Variants in EPHA10 observed in about 807,000 individuals in gnomAD.
EPHA10 encodes ephrin type-A receptor 10.
EPHA10 carries 120 observed loss-of-function variants against 109.7 expected under a neutral mutation model. The ratio of observed to expected loss-of-function variants is 1.09; its 90% confidence interval spans 0.94 to 1.27. EPHA10 has a LOEUF of 1.27. EPHA10 is among the 50% of genes most tolerant of loss of function. The pLI, the probability that EPHA10 is intolerant of heterozygous loss-of-function variation, is 0.00. For missense variants in EPHA10, 1,396 were observed against 1,411.1 expected, an observed-to-expected ratio of 0.99 and a Z score of 0.17; for synonymous variants, 640 against 618.9, an observed-to-expected ratio of 1.03 and a Z score of -0.51.
intron 1 of EPHA10, 65 bp from the exon 2 acceptor site, chr1:37,762,914 C>T (rs2148372058): frequency 1.4e-6 from 2 of 1,448,578 alleles, no homozygotes; most frequent in Middle Eastern, 1.7e-4. Flanking sequence ...AGAGTGGAAT[C>T]CTTTGGTGAA....
In EPHA10 at chr1:37,723,060, C is replaced by A. The variant is rs1270339427; in HGVS notation, c.1941G>T (p.Leu647=). Residue 647 remains leucine, a synonymous_variant, in exon 10 of 17, where the codon CTG becomes CTT. Coordinates refer to ENST00000373048, the MANE Select transcript of EPHA10 (RefSeq NM_001099439.2). ...GCTTGCCTCCTCCAAGGCTCCTCTC[C>A]AGCGTGACGCTTTTCGCATCCAGTT... ...AKELDAKSVT[L]ERSLGGGRFG... 3.1e-6 allele frequency: 5 copies of A among 1,614,206 alleles called. No homozygotes were observed. The highest frequency in any genetic ancestry group is 4.2e-6 in the Non-Finnish European group (5 of 1,180,042).
In EPHA10 at chr1:37,718,292, G is replaced by A. The variant is rs1303252315; in HGVS notation, c.*80C>T. ...GAGCGCTCCCTCCCACACTGCTGGA[G>A]CGCAGCTTGCCACGGTCCTTGGGCA... is the stretch of plus-strand genomic sequence containing the variant. On this transcript the variant is annotated 3_prime_UTR_variant, in exon 17 of 17. Coordinates refer to ENST00000373048, the MANE Select transcript of EPHA10 (RefSeq NM_001099439.2). The A allele has an allele frequency of 4.0e-6, 5 of 1,243,702 alleles. No individual in the cohort carries two copies. In the East Asian group the frequency reaches 9.3e-5, roughly 23 times the overall value. 77.0% of individuals were successfully genotyped at this position (1,243,702 alleles called of 1,614,324 possible).
intron 7 of EPHA10, among the ~76,000 whole-genome samples, chr1:37,730,066 GC>G (rs1189871815): frequency 1.3e-5 from 2 of 151,884 alleles, no homozygotes; most frequent in Non-Finnish European, 2.9e-5. Context: ...CCCCCACTAC[GC>G]CCACTCCAGC....
intron 5 of EPHA10, among the ~76,000 whole-genome samples, chr1:37,735,987 A>C (rs1646063336): frequency 6.6e-6 from 1 of 152,240 alleles, no homozygotes; most frequent in Non-Finnish European, 1.5e-5. Context: ...TAATACCAGA[A>C]GTTCTAGCCA....
At chr1:37,734,560 A>T (rs766809832) in intron 6 of EPHA10, 15 of 437,546 alleles carry the variant, frequency 3.4e-5, no homozygotes, top group Non-Finnish European at 5.9e-5. Flanking sequence ...ATAAATAAAT[A>T]ATAAAGGTAA....
intron 5 of EPHA10, among the ~76,000 whole-genome samples, chr1:37,749,357 A>G (rs1569741929): frequency 6.6e-6 from 1 of 152,068 alleles, no homozygotes; most frequent in South Asian, 2.1e-4. Context: ...TTCTAAATCT[A>G]TCTGTGTCAA....
rs1004642708 is a variant in EPHA10, at chr1:37,764,391, G to C, written c.106+570C>G. Among the ~76,000 whole-genome samples the C allele has an allele frequency of 3.3e-5, 5 of 152,312 alleles. No individual in the cohort carries two copies. The East Asian group carries it at 9.7e-4, about 29-fold the overall frequency. ...ATGCACAATCAGAGGCAAGACGCGG[G>C]CTCCAGTATCGCCGACAGCCTCAAA... On this transcript the variant is annotated intron_variant, in intron 1 of 16. Transcript: ENST00000373048. This position sits in a 1 kb window ranked among gnomAD's most constrained non-coding sequence, Gnocchi z 5.8.
intron 10 of EPHA10, 45 bp from the exon 11 acceptor site, chr1:37,721,890 T>TGGCTGAGCTGGGCA: frequency 2.1e-6 from 3 of 1,462,980 alleles, no homozygotes; most frequent in Non-Finnish European, 2.7e-6. Context: ...GCCACTGCCC[T>TGGCTGAGCTGGGCA]GGCTGAGCTG....
rs772227915 is a variant in EPHA10 at position 37,761,577 on chromosome 1, G to T, written c.678C>A (p.Ala226=). Residue 226 remains alanine (A), a synonymous_variant, in exon 3 of 17, where the codon GCC becomes GCA. Transcript: ENST00000373048. ...CCACCAGTGTGGAGAAGGCGCTCTCGGCTGCGGTGGCTGGGAACGTGGCCA... is the reference window on the plus strand; with the variant it reads ...CCACCAGTGTGGAGAAGGCGCTCTCTGCTGCGGTGGCTGGGAACGTGGCCA... ...RGLATFPATA[A]ESAFSTLVEV... is the part of the protein sequence containing the mutation. 6.3e-7 allele frequency: 1 copy of T among 1,598,436 alleles called. No individual in the cohort carries two copies. Among genetic ancestry groups the T allele is most frequent in the South Asian group, 1.1e-5 (1 of 90,588 alleles).
At chr1:37,735,114 G>A (rs1433462182) in intron 6 of EPHA10, 143 bp downstream of exon 6, 2 of 1,057,052 alleles carry the variant, frequency 1.9e-6, no homozygotes, top group Non-Finnish European at 2.8e-6. Context: ...GGGGAGACTC[G>A]AGCCTGGGGC....
intron 6 of EPHA10, chr1:37,734,700 A>G (rs1215987609): frequency 4.4e-6 from 2 of 451,272 alleles, no homozygotes; most frequent in African/African-American, 2.0e-5. Flanking sequence ...ATGGGGATCA[A>G]TTGGCCATAT....
intron 4 of EPHA10, among the ~76,000 whole-genome samples, chr1:37,753,660 G>A (rs1464431259): frequency 4.3e-5 from 1 of 23,092 alleles, no homozygotes; most frequent in African/African-American, 1.2e-4. Flanking sequence ...GAGCAGGGGC[G>A]AGCGGGAGCA....
chr1:37,754,316 C>T lies in EPHA10; in HGVS notation c.905G>A (p.Cys302Tyr). The change falls in exon 4 of 17, where the codon TGC (cysteine) becomes TAC (tyrosine). Residue 302 changes from cysteine (C) to tyrosine (Y), a missense_variant. Physicochemically the swap from Cys to Tyr is radical, Grantham distance 194. Coordinates refer to ENST00000373048, the MANE Select transcript of EPHA10 (RefSeq NM_001099439.2). This position sits in a 1 kb window ranked among gnomAD's most constrained non-coding sequence, Gnocchi z 4.5. ...TTCCAGGGCCCGGCTGTGCTCTGGG[C>T]ACGGTGAGCAGAGGGGCCGCCGCGG... ...VSPRRPLCSPCPEHSRALENA... is the reference protein window; with the variant it reads ...VSPRRPLCSPYPEHSRALENA... 2 of 1,321,506 alleles carry T rather than the reference C, an allele frequency of 1.5e-6. No homozygotes were observed. The highest frequency in any genetic ancestry group is 3.1e-5 in the East Asian group (1 of 32,590). 81.9% of individuals were successfully genotyped at this position (1,321,506 alleles called of 1,614,324 possible).
rs759930128 is a variant in EPHA10 at position 37,723,309 on chromosome 1, AC to A, written c.1834+1del. 3 of 1,614,056 alleles carry A rather than the reference AC, an allele frequency of 1.9e-6. No individual in the cohort carries two copies. The South Asian group carries it at 3.3e-5, about 18-fold the overall frequency. ...CTCCCCAGCCAGGCCCAGCCAACTC[AC>A]AGTGGAAATACAGCTCCTCTTCATC... is the stretch of plus-strand genomic sequence containing the variant. On this transcript the variant is annotated splice_donor_variant, in intron 9 of 16. Transcript: ENST00000373048. LOFTEE classifies it high-confidence loss of function.
intron 16 of EPHA10, 45 bp downstream of exon 16, chr1:37,718,616 T>C: frequency 6.2e-7 from 1 of 1,612,882 alleles, no homozygotes; most frequent in Non-Finnish European, 8.5e-7. Flanking sequence ...GCAGGGCCTG[T>C]GGAATCCCCC....
rs1220025930 is a variant in EPHA10, at chr1:37,718,271, G to A, written c.*101C>T. The stretch of plus-strand genomic sequence containing the variant: ...CTGGGCCCAAGCAGAGGAAGAGAGC[G>A]CTCCCTCCCACACTGCTGGAGCGCA... On this transcript the variant is annotated 3_prime_UTR_variant, in exon 17 of 17. Coordinates refer to ENST00000373048, the MANE Select transcript of EPHA10 (RefSeq NM_001099439.2). 11 of 998,340 alleles carry A rather than the reference G, an allele frequency of 1.1e-5. No individual in the cohort carries two copies. The highest frequency in any genetic ancestry group is 6.5e-5 in the African/African-American group (4 of 61,644). The allele number at this position is 998,340 out of a possible 1,614,324, so 61.8% of individuals were successfully genotyped here.
At chr1:37,761,319 C>T in intron 3 of EPHA10, 86 bp downstream of exon 3, 1 of 1,556,662 alleles carries the variant, frequency 6.4e-7, no homozygotes. Flanking sequence ...GACCCCACAC[C>T]CGCCTCTTTC....
At chr1:37,762,398 C>T (rs1396989423) in intron 2 of EPHA10, among the ~76,000 whole-genome samples, 1 of 152,104 alleles carries the variant, frequency 6.6e-6, no homozygotes, top group South Asian at 2.1e-4. Flanking sequence ...TGTTACAGCC[C>T]ACATCATCCT....
chr1:37,748,193 T>C (rs567747843), intron 5 of EPHA10, among the ~76,000 whole-genome samples: 2 of 152,094 alleles, frequency 1.3e-5, no homozygotes, highest in Non-Finnish European at 2.9e-5. Flanking sequence ...ATCCCATGTT[T>C]ACTAAAAATA....
Sources: gnomAD v4.1 joint callset for allele counts (sites outside exome capture counted in the v4.1 genomes callset) on GRCh38, gnomAD v4.1.1 for gene constraint, Gnocchi (gnomAD v3.1) non-coding constraint, MANE v1.5 for transcripts, NCBI Gene and HGNC (gene_info 2026-07-23, HGNC 2026-07-21) for gene names.